Variants in UCP3 observed in about 807,000 individuals in gnomAD.
UCP3 encodes the protein uncoupling protein 3, also known as putative mitochondrial transporter UCP3.
A neutral mutation model predicts 28.1 loss-of-function variants in UCP3; 24 were observed. The observed-to-expected ratio is 0.85, with a 90% confidence interval of 0.62 to 1.20. UCP3 has a LOEUF of 1.20. Ranked by LOEUF, UCP3 falls within the 50% of genes most tolerant of loss-of-function variation. The probability of loss-of-function intolerance (pLI) is 0.00; values close to 1 mark genes in which losing one functional copy is unlikely to be tolerated. For synonymous variants in UCP3, 184 were observed against 171.2 expected (o/e 1.07, Z -0.59); for missense variants, 397 against 422.2 (o/e 0.94, Z 0.52).
chr11:74,005,879 ACCG>A lies in UCP3; in HGVS notation c.389_391del (p.Ala130del). ...CACATCTGTGGGCTGGGCACAGGTC[ACCG>A]CCATGGCTCCTGTGGTGCAGCCGGC... On this transcript the variant is annotated inframe_deletion, in exon 4 of 7. Transcript: ENST00000314032. The A allele has an allele frequency of 6.2e-7, 1 of 1,614,104 alleles. No individual in the cohort carries two copies. The highest frequency in any genetic ancestry group is 2.2e-5 in the East Asian group (1 of 44,870).
rs1951637762 is a variant in UCP3 at position 74,003,813 on chromosome 11, A to C, written c.824+14T>G. On this transcript the variant is annotated intron_variant, in intron 6 of 6. Transcript: ENST00000314032. ...TTCTCTGGGAGGGAGTGCTGGAGGC[A>C]GGAGGAGGCTCACCCCTTGTAGAAG... The C allele has an allele frequency of 1.3e-6, 2 of 1,569,838 alleles. No homozygotes were observed. Among genetic ancestry groups the C allele is most frequent in the African/African-American group, 1.4e-5 (1 of 73,314 alleles).
chr11:74,004,963 T>C (rs1951650571), intron 4 of UCP3, among the ~76,000 whole-genome samples: 1 of 152,152 alleles, frequency 6.6e-6, no homozygotes, highest in South Asian at 2.1e-4. Context: ...AGTGACAGAA[T>C]GTGGTGCCAG....
chr11:74,006,072 C>T (rs540748077), intron 3 of UCP3, 97 bp downstream of exon 3: 3 of 1,569,524 alleles, frequency 1.9e-6, no homozygotes, highest in African/African-American at 1.3e-5. Flanking sequence ...CCAGCTTCCC[C>T]CCGCCCCTGG....
intron 6 of UCP3, chr11:74,003,091 C>T (rs969286635): frequency 8.4e-6 from 3 of 356,348 alleles, no homozygotes; most frequent in East Asian, 1.7e-4. Flanking sequence ...GTTGGGATAA[C>T]GTGTGTAAAG....
chr11:74,001,433 C>A lies in UCP3; in HGVS notation c.918G>T (p.Met306Ile), dbSNP rs199959534. The A allele has an allele frequency of 1.3e-5, 21 of 1,614,232 alleles. No homozygotes were observed. In the East Asian group the frequency reaches 4.7e-4, roughly 36 times the overall value. The change falls in exon 7 of 7, where the codon ATG becomes ATT. Residue 306 changes from methionine (M) to isoleucine (I), a missense_variant. Met to Ile is a conservative substitution (Grantham distance 10). Transcript: ENST00000314032. Reference protein sequence around the residue: ...QLKRALMKVQMLRESPF With the variant: ...QLKRALMKVQILRESPF ...TTGTTCAAAACGGTGATTCCCGTAACATCTGGACTTTCATCAGGGCCCGTT... is the reference window on the plus strand; with the variant it reads ...TTGTTCAAAACGGTGATTCCCGTAAAATCTGGACTTTCATCAGGGCCCGTT...
Position 74,001,289 on chromosome 11 carries a change from A to G in UCP3, c.*123T>C. On this transcript the variant is annotated 3_prime_UTR_variant, in exon 7 of 7. Transcript: ENST00000314032. ...TCTACTTCTGTTTCTTGAATCAGCA[A>G]CAAGTAAACAACAGTTCTGTAAACA... 1.1e-6 allele frequency: 1 copy of G among 907,002 alleles called. No homozygotes were observed. The highest frequency in any genetic ancestry group is 1.7e-6 in the Non-Finnish European group (1 of 580,396). 56.2% of individuals were successfully genotyped at this position (907,002 alleles called of 1,614,324 possible).
chr11:74,000,989 C>G lies in UCP3; in HGVS notation c.*423G>C, dbSNP rs70965456. 1 of 229,290 alleles carries G rather than the reference C, an allele frequency of 4.4e-6. No homozygotes were observed. The allele number at this position is 229,290 out of a possible 1,614,324, so 14.2% of individuals were successfully genotyped here. On this transcript the variant is annotated 3_prime_UTR_variant, in exon 7 of 7. Coordinates refer to ENST00000314032, the MANE Select transcript of UCP3 (RefSeq NM_003356.4). ...TGCTGGGTGGCATCCCTCCAGGCTCCGTGGCTGATCTCCCACTCCATTGTG... is the reference window on the plus strand; with the variant it reads ...TGCTGGGTGGCATCCCTCCAGGCTCGGTGGCTGATCTCCCACTCCATTGTG...
At position 74,004,553 on chromosome 11, in the gene UCP3, C is replaced by T. The variant is rs373468564; in HGVS notation, c.574G>A (p.Val192Ile). The change falls in exon 5 of 7, where the codon GTC (valine) becomes ATC (isoleucine). Residue 192 changes from valine to isoleucine, a missense_variant. Coordinates refer to ENST00000314032, the MANE Select transcript of UCP3 (RefSeq NM_003356.4). ...TAGGTCACCACCTCAGCACAGTTGA[C>T]GATAGCATTCCTCATGATGTTGGGC... ...TLPNIMRNAI[V>I]NCAEVVTYDI... The T allele has an allele frequency of 3.8e-5, 61 of 1,613,830 alleles. 1 individual carries two copies. The Middle Eastern group carries it at 8.3e-4, about 22-fold the overall frequency.
rs1951615793 is a variant in UCP3, at chr11:74,000,717, G to T, written c.*695C>A. The T allele has an allele frequency of 6.6e-6, 1 of 152,330 alleles. No homozygotes were observed. 9.4% of individuals were successfully genotyped at this position (152,330 alleles called of 1,614,324 possible). A position where few individuals can be genotyped will look rare whatever the true frequency, so the allele number is the denominator to read the frequency against. On this transcript the variant is annotated 3_prime_UTR_variant, in exon 7 of 7. Transcript: ENST00000314032. ...ATAGCACCCCTGGTGAGGTGGACAG[G>T]GAAGGGATGGCTCCCTCCATTTTGT...
At position 74,006,057 on chromosome 11, in the gene UCP3, C is replaced by T. The variant is rs1057146054; in HGVS notation, c.337+112G>A. On this transcript the variant is annotated intron_variant, in intron 3 of 6. Coordinates refer to ENST00000314032, the MANE Select transcript of UCP3 (RefSeq NM_003356.4). The stretch of plus-strand genomic sequence containing the variant: ...CACTCAGAGCCTCCTCATAAGCGTC[C>T]GGTACCAGCTTCCCCCCGCCCCTGG... The T allele has an allele frequency of 2.1e-5, 32 of 1,559,010 alleles. No homozygotes were observed. The Admixed American group carries it at 2.1e-4, about 10-fold the overall frequency.
At position 74,007,658 on chromosome 11, in the gene UCP3, T is replaced by A. The variant is rs145171105; in HGVS notation, c.-95-521A>T. Among the ~76,000 whole-genome samples the A allele has an allele frequency of 1.8e-3, 267 of 152,262 alleles. 2 individuals are homozygous for A. Among genetic ancestry groups the A allele is most frequent in the African/African-American group, 6.1e-3 (253 of 41,556 alleles). On this transcript the variant is annotated intron_variant, in intron 1 of 6. Transcript: ENST00000314032. ...TGTTGCCTATTCTGGTCTTGAACTC[T>A]TGGCCTCAGCGTGATCACTTGACAA...
At position 74,006,898 on chromosome 11, in the gene UCP3, T is replaced by C. The variant is rs370757772; in HGVS notation, c.126+19A>G. 41 of 1,614,022 alleles carry C rather than the reference T, an allele frequency of 2.5e-5. No individual in the cohort carries two copies. The highest frequency in any genetic ancestry group is 3.5e-5 in the Non-Finnish European group (41 of 1,180,026). ...CCTCCTTCCATGTGATCAATGACCC[T>C]TGGCCAAAGGGCACCTACCTGCAGG... On this transcript the variant is annotated intron_variant, in intron 2 of 6. Transcript: ENST00000314032.
chr11:74,003,636 C>A, intron 6 of UCP3, 191 bp downstream of exon 6: 2 of 1,412,588 alleles, frequency 1.4e-6, no homozygotes, highest in Non-Finnish European at 1.8e-6. Flanking sequence ...AGTCAGGCTT[C>A]CCTAACCCTC....
chr11:74,003,631 G>T, intron 6 of UCP3, 196 bp downstream of exon 6: 1 of 1,394,454 alleles, frequency 7.2e-7, no homozygotes. Context: ...TTCTCAGTCA[G>T]GCTTCCCTAA....
intron 4 of UCP3, among the ~76,000 whole-genome samples, chr11:74,004,952 C>G (rs1282712062): frequency 2.6e-5 from 4 of 152,212 alleles, no homozygotes; most frequent in Non-Finnish European, 5.9e-5. Flanking sequence ...GCTCTTGGAA[C>G]AGTGACAGAA....
Position 74,001,196 on chromosome 11 carries a change from C to T in UCP3, c.*216G>A. The T allele has an allele frequency of 1.8e-6, 1 of 563,532 alleles. No individual in the cohort carries two copies. The allele number at this position is 563,532 out of a possible 1,614,324, so 34.9% of individuals were successfully genotyped here. A position where few individuals can be genotyped will look rare whatever the true frequency, so the allele number is the denominator to read the frequency against. ...TCAAAAATTAATATAATTTATTTTC[C>T]ATCTTGTCAGTGCAAAACAAAGGTG... On this transcript the variant is annotated 3_prime_UTR_variant, in exon 7 of 7. Coordinates refer to ENST00000314032, the MANE Select transcript of UCP3 (RefSeq NM_003356.4).
chr11:74,004,928 C>T (rs1409697855), intron 4 of UCP3, among the ~76,000 whole-genome samples: 2 of 152,216 alleles, frequency 1.3e-5, no homozygotes, highest in Non-Finnish European at 2.9e-5. Flanking sequence ...GAAAGTCATT[C>T]AGCGAGAGGC....
At chr11:74,003,081 G>T in intron 6 of UCP3, 1 of 416,674 alleles carries the variant, frequency 2.4e-6, no homozygotes, top group Non-Finnish European at 3.2e-6. Context: ...TCAAGGGGCT[G>T]TTGGGATAAC....
intron 6 of UCP3, among the ~76,000 whole-genome samples, chr11:74,002,518 C>G (rs1402358958): frequency 6.6e-6 from 1 of 152,196 alleles, no homozygotes; most frequent in Non-Finnish European, 1.5e-5. Flanking sequence ...ATAACAGTAT[C>G]TGCCTTGTGG....
Sources: gnomAD v4.1 joint callset for allele counts (sites outside exome capture counted in the v4.1 genomes callset) on GRCh38, gnomAD v4.1.1 for gene constraint, MANE v1.5 for transcripts, NCBI Gene and HGNC (gene_info 2026-07-23, HGNC 2026-07-21) for gene names.